FOLH1: variants seen among roughly 807,000 people sequenced by gnomAD.
FOLH1 encodes folate hydrolase 1, also known as glutamate carboxypeptidase 2.
In FOLH1, 54 loss-of-function variants were observed where a neutral mutation model predicts 93.9. The observed-to-expected ratio is 0.57, with a 90% CI of 0.46 to 0.72. The LOEUF is 0.72. Ranked by LOEUF, FOLH1 falls within the 30% of genes least tolerant of loss-of-function variation. The pLI is 0.00. For synonymous variants in FOLH1, 249 were observed against 303.6 expected (o/e 0.82, Z 1.87); for missense variants, 571 against 892.5 (o/e 0.64, Z 4.59).
chr11:49,153,999 A>G (rs61886483), intron 16 of FOLH1, 72 bp from the exon 17 acceptor site: 65,596 of 1,368,348 alleles, frequency 0.048, 1,829 homozygotes, highest in Non-Finnish European at 0.056. Flanking sequence ...ATAGTTCAAG[A>G]AAAGGAACAA....
At chr11:49,158,241 T>A (rs1484734594) in intron 13 of FOLH1, among the ~76,000 whole-genome samples, 198 bp from the exon 14 acceptor site, 1 of 152,148 alleles carries the variant, frequency 6.6e-6, no homozygotes, top group Non-Finnish European at 1.5e-5. Context: ...AGGTGAACTA[T>A]ATTATAAAAA....
intron 12 of FOLH1, among the ~76,000 whole-genome samples, chr11:49,165,150 T>C (rs1390050504): frequency 6.6e-6 from 1 of 152,192 alleles, no homozygotes; most frequent in East Asian, 1.9e-4. Flanking sequence ...CTACCTAAAA[T>C]AGCACTCTCT....
At chr11:49,153,360 C>A (rs1315267433) in intron 17 of FOLH1, among the ~76,000 whole-genome samples, 3 of 150,894 alleles carry the variant, frequency 2.0e-5, no homozygotes, top group Admixed American at 6.6e-5. Flanking sequence ...GAGGTAATGA[C>A]AAAAACAAAG....
intron 6 of FOLH1, 134 bp from the exon 7 acceptor site, chr11:49,183,376 G>A: frequency 1.5e-6 from 1 of 684,432 alleles, no homozygotes; most frequent in Non-Finnish European, 2.4e-6. Flanking sequence ...CAATTCAAAT[G>A]TTAGCGAGAA....
At chr11:49,155,671 G>C (rs983386090) in intron 15 of FOLH1, 2 of 156,696 alleles carry the variant, frequency 1.3e-5, no homozygotes, top group Non-Finnish European at 2.8e-5. Context: ...ACAGAAATCA[G>C]GGGTGGTATG....
intron 11 of FOLH1, among the ~76,000 whole-genome samples, chr11:49,170,348 C>T (rs117617138): frequency 0.034 from 5,146 of 152,194 alleles, 124 homozygotes; most frequent in Non-Finnish European, 0.051. Context: ...GGCATGGTGA[C>T]GCACGCCTGT....
At chr11:49,168,614 G>T (rs1196266216) in intron 12 of FOLH1, among the ~76,000 whole-genome samples, 1 of 151,948 alleles carries the variant, frequency 6.6e-6, no homozygotes, top group East Asian at 1.9e-4. Flanking sequence ...TATCTATACT[G>T]AGTGCGCCAC....
At chr11:49,155,561 C>A (rs1311320723) in intron 15 of FOLH1, 3 of 237,210 alleles carry the variant, frequency 1.3e-5, no homozygotes, top group South Asian at 4.7e-5. Flanking sequence ...AATGATTTTT[C>A]TTTATAACAT....
intron 7 of FOLH1, among the ~76,000 whole-genome samples, chr11:49,182,830 C>T (rs540736961): frequency 2.0e-5 from 3 of 151,972 alleles, no homozygotes; most frequent in Non-Finnish European, 4.4e-5. Context: ...AGTCATTGCC[C>T]GAGAACACCT....
intron 8 of FOLH1, among the ~76,000 whole-genome samples, chr11:49,175,318 A>C (rs1859875026): frequency 6.6e-6 from 1 of 152,040 alleles, no homozygotes; most frequent in Admixed American, 6.6e-5. Flanking sequence ...TAGTTTATAA[A>C]TAATTCTCTT....
chr11:49,153,140 A>G (rs1164944693), intron 17 of FOLH1, among the ~76,000 whole-genome samples: 1 of 152,082 alleles, frequency 6.6e-6, no homozygotes, highest in African/African-American at 2.4e-5. Context: ...TGCCCTCAAA[A>G]TTATACTTTA....
intron 15 of FOLH1, among the ~76,000 whole-genome samples, chr11:49,155,757 A>G (rs1384792356): frequency 7.3e-6 from 1 of 136,066 alleles, no homozygotes; most frequent in Non-Finnish European, 1.6e-5. Flanking sequence ...GACATTTTAT[A>G]AACTATGTAC....
intron 18 of FOLH1, among the ~76,000 whole-genome samples, chr11:49,147,568 T>C (rs1458773030): frequency 5.9e-5 from 9 of 152,100 alleles, no homozygotes; most frequent in Non-Finnish European, 1.3e-4. Context: ...AAATGTTTTA[T>C]AGAATGGGCT....
intron 11 of FOLH1, among the ~76,000 whole-genome samples, chr11:49,170,986 G>A (rs1211162679): frequency 4.6e-5 from 7 of 152,124 alleles, no homozygotes; most frequent in African/African-American, 1.7e-4. Context: ...GACATTAAGT[G>A]GCTCTAAAAG....
chr11:49,153,800 T>A (rs375319677), intron 17 of FOLH1, 46 bp downstream of exon 17: 1 of 1,261,122 alleles, frequency 7.9e-7, no homozygotes, highest in African/African-American at 1.5e-5. Context: ...TAAATATATA[T>A]ATATACACAC....
intron 4 of FOLH1, among the ~76,000 whole-genome samples, chr11:49,187,035 A>ACCCC (rs202236145): frequency 6.7e-6 from 1 of 149,868 alleles, no homozygotes; most frequent in Non-Finnish European, 1.5e-5. Context: ...CTACAGAAGC[A>ACCCC]CCCCCCCCAC....
chr11:49,159,515 C>T (rs1471848680), intron 13 of FOLH1, among the ~76,000 whole-genome samples: 1 of 152,148 alleles, frequency 6.6e-6, no homozygotes, highest in African/African-American at 2.4e-5. Flanking sequence ...TTCTAATGTG[C>T]TGCTGGATTC....
intron 10 of FOLH1, among the ~76,000 whole-genome samples, chr11:49,172,703 C>G (rs1024321160): frequency 2.0e-5 from 3 of 152,032 alleles, no homozygotes; most frequent in African/African-American, 7.3e-5. Flanking sequence ...TTTGCAGGGT[C>G]AATAAAGAGA....
rs35862199 is a variant in FOLH1 at position 49,178,276 on chromosome 11, G to A, written c.921-2319C>T. On this transcript the variant is annotated intron_variant, in intron 7 of 18. Coordinates refer to ENST00000256999, the MANE Select transcript of FOLH1 (RefSeq NM_004476.3). ...AGTGGACCAGCAACACACTTTTTCC[G>A]GGACCTCTCTCTGCAGCAGAGAACT... Among the ~76,000 whole-genome samples the A allele has an allele frequency of 1.3e-3, 202 of 152,184 alleles. 1 individual carries two copies. The highest frequency in any genetic ancestry group is 6.8e-3 in the Middle Eastern group (2 of 292).
Sources: allele counts gnomAD v4.1 joint callset (sites outside exome capture counted in the v4.1 genomes callset), GRCh38; gene constraint gnomAD v4.1.1; transcripts MANE v1.5; gene names NCBI Gene and HGNC (gene_info 2026-07-23, HGNC 2026-07-21).